Variants in PCDH9 observed in about 807,000 individuals in gnomAD.
The protein encoded by PCDH9 is protocadherin-9.
PCDH9 carries 24 observed loss-of-function variants against 70.6 expected under a neutral mutation model. That is an observed-to-expected ratio of 0.34 (90% CI 0.25 to 0.48). The LOEUF (loss-of-function observed/expected upper bound fraction) is 0.48, where lower values mean the gene tolerates loss of function less well. Among genes scored for constraint, PCDH9 ranks in the 20% least tolerant of loss-of-function variants. The pLI is 0.99. For synonymous variants in PCDH9, 562 were observed against 558.5 expected, an observed-to-expected ratio of 1.01 and a Z score of -0.09; for missense variants, 1,281 against 1,503.6, an observed-to-expected ratio of 0.85 and a Z score of 2.45.
Position 67,228,138 on chromosome 13 carries a change from G to A in PCDH9, c.303C>T (p.Ala101=), listed in dbSNP as rs374361789. 1 of 1,614,026 alleles carries A rather than the reference G, an allele frequency of 6.2e-7. No homozygotes were observed. The highest frequency in any genetic ancestry group is 1.3e-5 in the African/African-American group (1 of 74,928). The change falls in exon 2 of 5, where the codon GCC becomes GCT. Residue 101 remains alanine, a synonymous_variant. Transcript: ENST00000377865. The stretch of plus-strand genomic sequence containing the variant: ...AACACTCATTCTCCTCAGCATATGA[G>A]GCGCCAGCACAGAGTTTTTCTCTGT... ...RIDREKLCAG[A]SYAEENECFF...
rs186178458 is a variant in PCDH9, at chr13:66,523,571, C to T, written c.3340+107639G>A. Among the ~76,000 whole-genome samples, 731 of 150,904 alleles carry T rather than the reference C, an allele frequency of 4.8e-3. 5 individuals carry two copies. Among genetic ancestry groups the T allele is most frequent in the South Asian group, 0.019 (88 of 4,754 alleles). ...ATATATATTCACACATATACATATA[C>T]ACACACACACACATATGTACACAGA... On this transcript the variant is annotated intron_variant, in intron 4 of 4. Transcript: ENST00000377865.
At chr13:66,872,997 A>G (rs571894384) in intron 3 of PCDH9, among the ~76,000 whole-genome samples, 7 of 152,312 alleles carry the variant, frequency 4.6e-5, no homozygotes, top group Admixed American at 3.3e-4. Flanking sequence ...TTTTTAATTT[A>G]TAAGTCTAAA....
chr13:66,795,079 T>G (rs1196993866), intron 3 of PCDH9, among the ~76,000 whole-genome samples: 1 of 151,912 alleles, frequency 6.6e-6, no homozygotes, highest in Non-Finnish European at 1.5e-5. Flanking sequence ...TCTTAAGAAT[T>G]TATTTAACAT....
intron 3 of PCDH9, among the ~76,000 whole-genome samples, chr13:66,769,524 G>A (rs2079771602): frequency 6.6e-6 from 1 of 151,524 alleles, no homozygotes; most frequent in East Asian, 1.9e-4. Flanking sequence ...GTTTTTCGGA[G>A]CCACTTTCAT....
intron 2 of PCDH9, among the ~76,000 whole-genome samples, chr13:67,183,855 G>T (rs543635849): frequency 5.9e-5 from 9 of 152,138 alleles, no homozygotes; most frequent in African/African-American, 2.2e-4. Context: ...CAAGGAACAA[G>T]AATTTAAAAA....
chr13:67,147,543 C>T (rs1434200958), intron 2 of PCDH9, among the ~76,000 whole-genome samples: 1 of 152,156 alleles, frequency 6.6e-6, no homozygotes, highest in Non-Finnish European at 1.5e-5. Flanking sequence ...TTAAAGTGAC[C>T]TCTTTGACTC....
chr13:66,895,948 C>T (rs1566274393), intron 3 of PCDH9, among the ~76,000 whole-genome samples: 2 of 152,222 alleles, frequency 1.3e-5, no homozygotes, highest in South Asian at 4.1e-4. Context: ...TATCTTTGGC[C>T]GATAAGCCTA....
intron 2 of PCDH9, among the ~76,000 whole-genome samples, chr13:66,920,922 T>C (rs373772200): frequency 1.3e-5 from 2 of 151,392 alleles, no homozygotes; most frequent in African/African-American, 4.8e-5. Flanking sequence ...GAAATTATAG[T>C]AAAACCAGAT....
intron 2 of PCDH9, among the ~76,000 whole-genome samples, chr13:67,058,364 A>T (rs896849921): frequency 2.0e-5 from 3 of 152,142 alleles, no homozygotes; most frequent in African/African-American, 7.2e-5. Flanking sequence ...TTATCTTATT[A>T]TAGTGACCCT....
chr13:67,058,743 C>T (rs1160659429), intron 2 of PCDH9, among the ~76,000 whole-genome samples: 2 of 152,094 alleles, frequency 1.3e-5, no homozygotes, highest in South Asian at 2.1e-4. Flanking sequence ...CATACGTTAG[C>T]ACATCTTTGA....
chr13:67,016,346 A>T (rs1347345225), intron 2 of PCDH9, among the ~76,000 whole-genome samples: 1 of 152,196 alleles, frequency 6.6e-6, no homozygotes, highest in Non-Finnish European at 1.5e-5. Flanking sequence ...TCACTCCATG[A>T]AGCATTCATT....
chr13:66,778,080 A>G (rs529979106), intron 3 of PCDH9, among the ~76,000 whole-genome samples: 1 of 142,754 alleles, frequency 7.0e-6, no homozygotes, highest in South Asian at 2.3e-4. Context: ...GGAATTGAAC[A>G]ATGAGAACAC....
At chr13:66,835,664 T>C (rs772211300) in intron 3 of PCDH9, among the ~76,000 whole-genome samples, 6 of 152,042 alleles carry the variant, frequency 3.9e-5, no homozygotes, top group Non-Finnish European at 8.8e-5. Context: ...ACCCAACAAT[T>C]TTTTTTTATG....
At chr13:66,684,730 A>G (rs2078375899) in intron 3 of PCDH9, among the ~76,000 whole-genome samples, 1 of 152,134 alleles carries the variant, frequency 6.6e-6, no homozygotes, top group Non-Finnish European at 1.5e-5. Flanking sequence ...TCTTTATAGC[A>G]GCATAAAAAT....
chr13:66,806,159 T>A lies in PCDH9; in HGVS notation c.3138+97345A>T, dbSNP rs147148471. ...TCATAAATATGTGTTTATGAATGTGTAAACCTTCCAGCTAAAAATATGTCA... is the reference window on the plus strand; with the variant it reads ...TCATAAATATGTGTTTATGAATGTGAAAACCTTCCAGCTAAAAATATGTCA... On this transcript the variant is annotated intron_variant, in intron 3 of 4. Coordinates refer to ENST00000377865, the MANE Select transcript of PCDH9 (RefSeq NM_203487.3). 6.6e-5 allele frequency among the ~76,000 whole-genome samples: 10 copies of A among 152,318 alleles called. 1 individual carries two copies. The South Asian group carries it at 2.1e-3, about 32-fold the overall frequency.
At chr13:66,486,472 T>A (rs1331347434) in intron 4 of PCDH9, among the ~76,000 whole-genome samples, 1 of 149,144 alleles carries the variant, frequency 6.7e-6, no homozygotes, top group Non-Finnish European at 1.5e-5. Context: ...CACAAAAAAA[T>A]AAAAATAAAA....
At chr13:66,360,198 T>C (rs541311429) in intron 4 of PCDH9, among the ~76,000 whole-genome samples, 2 of 152,072 alleles carry the variant, frequency 1.3e-5, no homozygotes, top group African/African-American at 2.4e-5. Context: ...CCTCGGATAT[T>C]AGTGTGATCA....
intron 4 of PCDH9, among the ~76,000 whole-genome samples, chr13:66,369,747 T>G (rs1275995856): frequency 6.6e-6 from 1 of 152,070 alleles, no homozygotes; most frequent in Non-Finnish European, 1.5e-5. Context: ...CAAGTGAATA[T>G]GGTATATGGT....
intron 3 of PCDH9, among the ~76,000 whole-genome samples, chr13:66,672,344 G>A (rs2078186791): frequency 6.6e-6 from 1 of 152,228 alleles, no homozygotes; most frequent in South Asian, 2.1e-4. Context: ...GCCTGTGGGT[G>A]CACAGAAATC....
Sources: gnomAD v4.1 joint callset for allele counts (sites outside exome capture counted in the v4.1 genomes callset) on GRCh38, gnomAD v4.1.1 for gene constraint, MANE v1.5 for transcripts, NCBI Gene and HGNC (gene_info 2026-07-23, HGNC 2026-07-21) for gene names.